Variants in ADAMTS2 observed in about 807,000 individuals in gnomAD.
ADAMTS2 encodes ADAM metallopeptidase with thrombospondin type 1 motif 2.
A neutral mutation model predicts 123.0 loss-of-function variants in ADAMTS2; 50 were observed. That is an observed-to-expected ratio of 0.41 (90% CI 0.32 to 0.51). ADAMTS2 has a LOEUF of 0.51. Among genes scored for constraint, ADAMTS2 ranks in the 20% least tolerant of loss-of-function variants. The pLI is 0.35. For missense variants in ADAMTS2, 1,494 were observed against 1,705.2 expected (o/e 0.88, Z 2.18); for synonymous variants, 678 against 695.4 (o/e 0.98, Z 0.39).
intron 2 of ADAMTS2, among the ~76,000 whole-genome samples, chr5:179,297,845 C>T (rs1478198153): frequency 1.3e-5 from 2 of 152,132 alleles, no homozygotes; most frequent in Admixed American, 6.5e-5. Context: ...CTCTCTCAGC[C>T]CAACAACAGA....
intron 17 of ADAMTS2, 89 bp downstream of exon 17, chr5:179,127,870 G>T (rs1274892814): frequency 8.9e-6 from 14 of 1,567,492 alleles, no homozygotes; most frequent in Non-Finnish European, 1.2e-5. Flanking sequence ...CTCGGCCCCT[G>T]CTCACGCTGG....
At position 179,262,506 on chromosome 5, in the gene ADAMTS2, C is replaced by T. The variant is rs559103911; in HGVS notation, c.688+10405G>A. On this transcript the variant is annotated intron_variant, in intron 3 of 21. Coordinates refer to ENST00000251582, the MANE Select transcript of ADAMTS2 (RefSeq NM_014244.5). This position sits in a 1 kb window ranked among gnomAD's most constrained non-coding sequence, Gnocchi z 5.9. The stretch of plus-strand genomic sequence containing the variant: ...AGCGATGAGTGCCACCCATCCCTCC[C>T]GGCCCTGCACGCCTCCCACTCCCCC... Among the ~76,000 whole-genome samples, 18 of 152,240 alleles carry T rather than the reference C, an allele frequency of 1.2e-4. No individual in the cohort carries two copies. Among genetic ancestry groups the T allele is most frequent in the Admixed American group, 5.2e-4 (8 of 15,302 alleles).
At chr5:179,335,830 G>A (rs141247210) in intron 2 of ADAMTS2, among the ~76,000 whole-genome samples, 3 of 152,290 alleles carry the variant, frequency 2.0e-5, no homozygotes, top group African/African-American at 7.2e-5. Context: ...GGGAGGGATG[G>A]GCAGGGCAAG....
At chr5:179,209,029 A>G (rs1471195529) in intron 3 of ADAMTS2, among the ~76,000 whole-genome samples, 1 of 152,202 alleles carries the variant, frequency 6.6e-6, no homozygotes, top group Non-Finnish European at 1.5e-5. Context: ...TGCCTCTTCC[A>G]GGCAGGGACA....
In ADAMTS2 at chr5:179,117,553, A is replaced by ATTT. The variant is rs202081869; in HGVS notation, c.3179-3232_3179-3230dup. 1.5e-5 allele frequency among the ~76,000 whole-genome samples: 2 copies of ATTT among 134,862 alleles called. No individual in the cohort carries two copies. Among genetic ancestry groups the ATTT allele is most frequent in the Non-Finnish European group, 1.6e-5 (1 of 61,708 alleles). The allele number at this position is 134,862 out of a possible 152,430, so 88.5% of individuals were successfully genotyped here. On this transcript the variant is annotated intron_variant, in intron 21 of 21. Coordinates refer to ENST00000251582, the MANE Select transcript of ADAMTS2 (RefSeq NM_014244.5). This position sits in a 1 kb window ranked among gnomAD's most constrained non-coding sequence, Gnocchi z 4.2. ...TATTGGATCAGGCCCATGCCCATGC[A>ATTT]TTTTTTTTTTTTTTTTTGAGATGAA... is the stretch of plus-strand genomic sequence containing the variant.
At chr5:179,302,981 G>C (rs60490138) in intron 2 of ADAMTS2, among the ~76,000 whole-genome samples, 1,531 of 150,986 alleles carry the variant, frequency 0.01, 30 homozygotes, top group African/African-American at 0.035. Flanking sequence ...GGGTACAGGA[G>C]GGCAGAGTGG....
At chr5:179,254,034 A>C (rs1247368580) in intron 3 of ADAMTS2, among the ~76,000 whole-genome samples, 1 of 152,178 alleles carries the variant, frequency 6.6e-6, no homozygotes, top group African/African-American at 2.4e-5. Flanking sequence ...AGGCCACTTC[A>C]GTGTCAACAC....
rs1765862427 is a variant in ADAMTS2, at chr5:179,248,979, A to G, written c.688+23932T>C. ...ATGATCATTCTCCAGGATAGGTCAT[A>G]TGTTAGGTCACAAAACAAGTCTCAA... On this transcript the variant is annotated intron_variant, in intron 3 of 21. Coordinates refer to ENST00000251582, the MANE Select transcript of ADAMTS2 (RefSeq NM_014244.5). Among the ~76,000 whole-genome samples the G allele has an allele frequency of 2.7e-5, 4 of 150,586 alleles. No individual in the cohort carries two copies. The South Asian group carries it at 8.3e-4, about 31-fold the overall frequency.
intron 3 of ADAMTS2, among the ~76,000 whole-genome samples, chr5:179,209,348 T>C (rs1455398943): frequency 6.6e-6 from 1 of 152,160 alleles, no homozygotes; most frequent in East Asian, 1.9e-4. Context: ...GCAGCCCGGC[T>C]GTGGGCAAGA....
chr5:179,195,096 C>G (rs954759320), intron 4 of ADAMTS2, among the ~76,000 whole-genome samples: 1 of 152,220 alleles, frequency 6.6e-6, no homozygotes, highest in African/African-American at 2.4e-5. Flanking sequence ...GGCACCCTTC[C>G]CTGATGAACC....
At chr5:179,248,727 C>T (rs1336388528) in intron 3 of ADAMTS2, among the ~76,000 whole-genome samples, 1 of 150,426 alleles carries the variant, frequency 6.6e-6, no homozygotes, top group East Asian at 1.9e-4. Flanking sequence ...CAACAGAATC[C>T]CAAAATCTAT....
At chr5:179,186,256 C>G (rs974395607) in intron 4 of ADAMTS2, among the ~76,000 whole-genome samples, 1 of 152,326 alleles carries the variant, frequency 6.6e-6, no homozygotes, top group African/African-American at 2.4e-5. Context: ...GCCCAGAGAC[C>G]ACTGACCACT....
At chr5:179,266,675 G>A (rs546013522) in intron 3 of ADAMTS2, among the ~76,000 whole-genome samples, 2 of 152,222 alleles carry the variant, frequency 1.3e-5, no homozygotes, top group Admixed American at 6.5e-5. Flanking sequence ...TGAGATGGAC[G>A]TCGACAGCTA....
rs1764248439 is a variant in ADAMTS2, at chr5:179,189,407, G to A, written c.892-8252C>T. On this transcript the variant is annotated intron_variant, in intron 4 of 21. Transcript: ENST00000251582. The surrounding 1 kb of genome is among the most constrained non-coding windows in gnomAD (Gnocchi z 4.2). The stretch of plus-strand genomic sequence containing the variant: ...CTGTTGCCCAGGTTGGAGTGCAGTG[G>A]CATGATCTCAGCTCACTGCCAGCTC... 6.6e-6 allele frequency among the ~76,000 whole-genome samples: 1 copy of A among 151,150 alleles called. No individual in the cohort carries two copies.
chr5:179,297,742 C>T (rs1253835027), intron 2 of ADAMTS2, among the ~76,000 whole-genome samples: 8 of 152,142 alleles, frequency 5.3e-5, no homozygotes, highest in Admixed American at 4.6e-4. Context: ...TGAGCCGAGA[C>T]AACCCACTGC....
At chr5:179,205,240 C>T (rs149223041) in intron 4 of ADAMTS2, among the ~76,000 whole-genome samples, 28 of 152,322 alleles carry the variant, frequency 1.8e-4, no homozygotes, top group Non-Finnish European at 3.2e-4. Context: ...GGACTCACCA[C>T]GGGCCCCACA....
intron 17 of ADAMTS2, among the ~76,000 whole-genome samples, 179 bp from the exon 18 acceptor site, chr5:179,126,309 G>A (rs1413084545): frequency 2.6e-5 from 4 of 152,152 alleles, no homozygotes; most frequent in South Asian, 4.1e-4. Flanking sequence ...GGTGTGTCCC[G>A]GGTGGAGGGG....
At chr5:179,219,503 T>C (rs540441140) in intron 3 of ADAMTS2, among the ~76,000 whole-genome samples, 2 of 152,346 alleles carry the variant, frequency 1.3e-5, no homozygotes, top group African/African-American at 4.8e-5. Context: ...GCCCTGTGCC[T>C]GCACCTCCCA....
rs1045889238 is a variant in ADAMTS2, at chr5:179,167,080, C to A, written c.976-8201G>T. On this transcript the variant is annotated intron_variant, in intron 5 of 21. Transcript: ENST00000251582. ...GCAGATGCTGACCCCAGCAGGAAGT[C>A]ACCGTCCGCAAGGAGCGCCCCGCTA... 5.3e-5 allele frequency among the ~76,000 whole-genome samples: 8 copies of A among 152,358 alleles called. No individual in the cohort carries two copies. In the South Asian group the frequency reaches 1.7e-3, roughly 32 times the overall value.
Sources: allele counts gnomAD v4.1 joint callset (sites outside exome capture counted in the v4.1 genomes callset), GRCh38; gene constraint gnomAD v4.1.1; non-coding constraint Gnocchi (gnomAD v3.1); transcripts MANE v1.5; gene names NCBI Gene and HGNC (gene_info 2026-07-23, HGNC 2026-07-21).